Variants in FOXP1 observed in about 807,000 individuals in gnomAD.
FOXP1 encodes the protein forkhead box P1.
Under a neutral mutation model 98.2 loss-of-function variants are expected in FOXP1, and 15 were observed. The observed-to-expected ratio is 0.15, with a 90% confidence interval of 0.10 to 0.24. The LOEUF is 0.24. FOXP1 is among the 10% of genes least tolerant of loss of function. The probability of loss-of-function intolerance (pLI) is 1.00; values close to 1 mark genes in which losing one functional copy is unlikely to be tolerated. For missense variants in FOXP1, 633 were observed against 848.5 expected, an observed-to-expected ratio of 0.75 and a Z score of 3.15; for synonymous variants, 371 against 314.5, an observed-to-expected ratio of 1.18 and a Z score of -1.90.
At chr3:71,486,276 A>G (rs547030542) in intron 3 of FOXP1, among the ~76,000 whole-genome samples, 16 of 152,248 alleles carry the variant, frequency 1.1e-4, no homozygotes, top group Non-Finnish European at 2.2e-4. Context: ...TTGAACCAAC[A>G]TAGGAAAAGT....
At chr3:71,329,509 G>A (rs903851932) in intron 4 of FOXP1, among the ~76,000 whole-genome samples, 2 of 151,196 alleles carry the variant, frequency 1.3e-5, no homozygotes, top group African/African-American at 2.4e-5. Context: ...ATAAGCCACC[G>A]CGCCCGGCCA....
intron 11 of FOXP1, among the ~76,000 whole-genome samples, chr3:71,029,371 A>C (rs1000959463): frequency 2.6e-5 from 4 of 151,944 alleles, no homozygotes; most frequent in African/African-American, 9.7e-5. Flanking sequence ...TACACACACT[A>C]TGATGTTCCA....
At chr3:71,112,660 C>G (rs2058036298) in intron 6 of FOXP1, 23 bp from the exon 7 acceptor site, 2 of 1,572,742 alleles carry the variant, frequency 1.3e-6, no homozygotes, top group African/African-American at 1.4e-5. Flanking sequence ...ACAAGAAAAT[C>G]CTTTGCGTTA....
Position 71,179,360 on chromosome 3 carries a change from G to A in FOXP1, c.180+18842C>T, listed in dbSNP as rs932450663. Reference sequence around the variant, plus strand: ...TGAGTTCAAGTGATCCACCTGCCTCGGCCTCTCAAAGTGCTGGGATTACAG... The same window carrying A: ...TGAGTTCAAGTGATCCACCTGCCTCAGCCTCTCAAAGTGCTGGGATTACAG... On this transcript the variant is annotated intron_variant, in intron 6 of 20. Coordinates refer to ENST00000649528, the MANE Select transcript of FOXP1 (RefSeq NM_001349338.3). Among the ~76,000 whole-genome samples, 6 of 151,726 alleles carry A rather than the reference G, an allele frequency of 4.0e-5. No individual in the cohort carries two copies. The East Asian group carries it at 5.8e-4, about 15-fold the overall frequency.
chr3:71,252,546 C>G (rs914573210), intron 5 of FOXP1, among the ~76,000 whole-genome samples: 1 of 144,472 alleles, frequency 6.9e-6, no homozygotes, highest in African/African-American at 2.5e-5. Context: ...AATTCTTAGT[C>G]CTTAGAGTAT....
chr3:71,112,598 G>A lies in FOXP1; in HGVS notation c.220C>T (p.Gln74Ter). ...VARQLLLQQQ[Q>*]QQQVSGLKSP... ...TTTAATCCACTAACTTGCTGCTGCTGTTGCTGCTGAAGAAGGAGCTGTCTT... is the reference window on the plus strand; with the variant it reads ...TTTAATCCACTAACTTGCTGCTGCTATTGCTGCTGAAGAAGGAGCTGTCTT... The change falls in exon 7 of 21, where the codon CAG (glutamine) becomes TAG (stop). Residue 74 changes from glutamine (Q) to a stop codon, truncating the protein, a stop_gained. Transcript: ENST00000649528. LOFTEE classifies it high-confidence loss of function. The A allele has an allele frequency of 6.2e-7, 1 of 1,614,122 alleles. No homozygotes were observed. The highest frequency in any genetic ancestry group is 8.5e-7 in the Non-Finnish European group (1 of 1,179,962).
chr3:71,352,837 C>T (rs1193119224), intron 4 of FOXP1, among the ~76,000 whole-genome samples: 1 of 152,164 alleles, frequency 6.6e-6, no homozygotes, highest in South Asian at 2.1e-4. Flanking sequence ...ACTTTTTAAG[C>T]ATGCAGAATA....
At chr3:71,122,939 C>T (rs897142668) in intron 6 of FOXP1, among the ~76,000 whole-genome samples, 4 of 152,124 alleles carry the variant, frequency 2.6e-5, no homozygotes, top group African/African-American at 9.7e-5. Flanking sequence ...TGACTGTGGG[C>T]CCTTTTGCCT....
chr3:71,089,822 G>T (rs1423414755), intron 7 of FOXP1, among the ~76,000 whole-genome samples: 1 of 152,206 alleles, frequency 6.6e-6, no homozygotes, highest in African/African-American at 2.4e-5. Flanking sequence ...ACTCTGAGGT[G>T]AATCTGTTCA....
intron 2 of FOXP1, among the ~76,000 whole-genome samples, chr3:71,522,444 C>T (rs2043062560): frequency 6.6e-6 from 1 of 152,134 alleles, no homozygotes; most frequent in South Asian, 2.1e-4. Context: ...GGAAAACAGG[C>T]TCTGGATTCA....
At chr3:71,294,354 T>C (rs2073061546) in intron 5 of FOXP1, among the ~76,000 whole-genome samples, 1 of 152,212 alleles carries the variant, frequency 6.6e-6, no homozygotes, top group African/African-American at 2.4e-5. Flanking sequence ...TAATCTCACA[T>C]AACTTCCATA....
chr3:71,188,417 T>C (rs7649129), intron 6 of FOXP1, among the ~76,000 whole-genome samples: 18 of 149,978 alleles, frequency 1.2e-4, no homozygotes, highest in African/African-American at 3.9e-4. Flanking sequence ...ATTTTTTTTT[T>C]CCTTTTTTTT....
chr3:71,451,501 A>T (rs1004099675), intron 3 of FOXP1, among the ~76,000 whole-genome samples: 34 of 152,116 alleles, frequency 2.2e-4, no homozygotes, highest in African/African-American at 7.7e-4. Flanking sequence ...GAATTTTCGT[A>T]TGTGTTTTAG....
intron 1 of FOXP1, chr3:71,582,459 A>G (rs1221165576): frequency 1.0e-6 from 1 of 985,208 alleles, no homozygotes; most frequent in Admixed American, 6.1e-5. Context: ...CGGGACAGGA[A>G]TAGAGCGCAG....
intron 12 of FOXP1, among the ~76,000 whole-genome samples, chr3:71,007,010 A>T (rs2042891956): frequency 6.6e-6 from 1 of 152,166 alleles, no homozygotes. Context: ...ATATCACTAG[A>T]GGGCACTGTG....
intron 18 of FOXP1, chr3:70,971,851 A>G (rs930432922): frequency 1.9e-5 from 9 of 467,306 alleles, no homozygotes; most frequent in Non-Finnish European, 2.5e-5. Flanking sequence ...TGTTCCAAAG[A>G]GAAACGAGAG....
At chr3:71,076,350 T>C (rs2053808559) in intron 7 of FOXP1, among the ~76,000 whole-genome samples, 1 of 152,184 alleles carries the variant, frequency 6.6e-6, no homozygotes, top group South Asian at 2.1e-4. Context: ...CATTTGATCA[T>C]TTGCTGAATT....
intron 9 of FOXP1, among the ~76,000 whole-genome samples, chr3:71,048,577 GTTTTCA>G (rs2049366491): frequency 1.3e-5 from 2 of 152,040 alleles, no homozygotes; most frequent in Middle Eastern, 3.4e-3. Context: ...AAAAGCCAGT[GTTTTCA>G]TTTTAAGAAC....
chr3:71,521,261 G>T (rs889562678), intron 2 of FOXP1, among the ~76,000 whole-genome samples: 1 of 152,202 alleles, frequency 6.6e-6, no homozygotes, highest in Non-Finnish European at 1.5e-5. Flanking sequence ...GCCGGGCGTG[G>T]TGGCTCAGGC....
Sources: gnomAD v4.1 joint callset for allele counts (sites outside exome capture counted in the v4.1 genomes callset) on GRCh38, gnomAD v4.1.1 for gene constraint, MANE v1.5 for transcripts, NCBI Gene and HGNC (gene_info 2026-07-23, HGNC 2026-07-21) for gene names.